CHRNA2: variants seen among roughly 807,000 people sequenced by gnomAD.
CHRNA2 encodes the protein cholinergic receptor nicotinic alpha 2 subunit, also known as neuronal acetylcholine receptor subunit alpha-2.
CHRNA2 carries 40 observed loss-of-function variants against 45.5 expected under a neutral mutation model. The observed-to-expected ratio is 0.88, with a 90% CI of 0.68 to 1.15. CHRNA2 has a LOEUF of 1.15. Ranked by LOEUF, CHRNA2 falls within the 50% of genes most tolerant of loss-of-function variation. The pLI is 0.00. For missense variants in CHRNA2, 655 were observed against 701.7 expected (o/e 0.93, Z 0.75); for synonymous variants, 301 against 296.7 (o/e 1.01, Z -0.15).
chr8:27,467,439 C>T (rs948717378), intron 4 of CHRNA2, 101 bp from the exon 5 acceptor site: 23 of 907,738 alleles, frequency 2.5e-5, no homozygotes, highest in African/African-American at 1.7e-4. Flanking sequence ...CAAGCAGCCC[C>T]CTTGGAGCAG....
At chr8:27,478,095 T>C (rs1410155630) in intron 1 of CHRNA2, among the ~76,000 whole-genome samples, 1 of 152,228 alleles carries the variant, frequency 6.6e-6, no homozygotes, top group Non-Finnish European at 1.5e-5. Flanking sequence ...CCCAAAAGGC[T>C]GCTTCCATCC....
chr8:27,463,672 G>T lies in CHRNA2; in HGVS notation c.771C>A (p.Tyr257Ter). 6.2e-7 allele frequency: 1 copy of T among 1,614,148 alleles called. No homozygotes were observed. Among genetic ancestry groups the T allele is most frequent in the Non-Finnish European group, 8.5e-7 (1 of 1,180,034 alleles). ...GCGGCAGCCGCCGGATGACGAAGGC[G>T]TAGGTGACGTCGGGGTAGATCTCGG... ...CCAEIYPDVT[Y>*]AFVIRRLPLF... The change falls in exon 6 of 7, where the codon TAC (tyrosine) becomes TAA (stop). Residue 257 changes from tyrosine (Y) to a stop codon, truncating the protein, a stop_gained. Coordinates refer to ENST00000407991, the MANE Select transcript of CHRNA2 (RefSeq NM_000742.4). LOFTEE classifies it high-confidence loss of function. This position sits in a 1 kb window ranked among gnomAD's most constrained non-coding sequence, Gnocchi z 6.1.
chr8:27,471,997 A>C (rs975277353), intron 1 of CHRNA2, among the ~76,000 whole-genome samples: 3 of 152,162 alleles, frequency 2.0e-5, no homozygotes, highest in African/African-American at 7.2e-5. Flanking sequence ...TGGCCACTGG[A>C]TTAATCAATC....
chr8:27,467,239 G>C lies in CHRNA2; in HGVS notation c.439C>G (p.Leu147Val). ...SEMIWIPDIV[L>V]YNNADGEFAV... ...CCAATGGCTTCCTACTTGTTGTAGA[G>C]AACAATGTCGGGGATCCAGATCATC... Residue 147 changes from leucine (L) to valine (V), a missense_variant, in exon 5 of 7, where the codon CTC (leucine) becomes GTC (valine). Coordinates refer to ENST00000407991, the MANE Select transcript of CHRNA2 (RefSeq NM_000742.4). 6.2e-7 allele frequency: 1 copy of C among 1,612,930 alleles called. No individual in the cohort carries two copies. Among genetic ancestry groups the C allele is most frequent in the South Asian group, 1.1e-5 (1 of 91,048 alleles).
rs1010290683 is a variant in CHRNA2, at chr8:27,460,229, G to A, written c.*1400C>T. The A allele has an allele frequency of 1.1e-4, 16 of 152,216 alleles. No homozygotes were observed. The highest frequency in any genetic ancestry group is 3.9e-4 in the African/African-American group (16 of 41,452). 9.4% of individuals were successfully genotyped at this position (152,216 alleles called of 1,614,324 possible). ...ACCCTCCAGTCTGGACAGAGTTGGG[G>A]GGAGGTCTGTTGCCCGATCCCAGGA... On this transcript the variant is annotated 3_prime_UTR_variant, in exon 7 of 7. Transcript: ENST00000407991.
chr8:27,476,523 T>C (rs1032331615), intron 1 of CHRNA2, among the ~76,000 whole-genome samples: 10 of 152,252 alleles, frequency 6.6e-5, no homozygotes, highest in Non-Finnish European at 2.9e-5. Flanking sequence ...CAGGGGAAAC[T>C]GCAGAGCAGG....
rs1812870375 is a variant in CHRNA2 at position 27,471,120 on chromosome 8, T to TGTC, written c.-65_-63dup. The TGTC allele has an allele frequency of 6.8e-7, 1 of 1,463,266 alleles. No homozygotes were observed. The highest frequency in any genetic ancestry group is 1.7e-5 in the Admixed American group (1 of 58,650). 90.6% of individuals were successfully genotyped at this position (1,463,266 alleles called of 1,614,324 possible). A position where few individuals can be genotyped will look rare whatever the true frequency, so the allele number is the denominator to read the frequency against. ...TTGCTGTGGGTTGCACCATGGACCA[T>TGTC]GTCCCCAGCAGAGCTGCTGCTGGAT... On this transcript the variant is annotated 5_prime_UTR_variant, in exon 2 of 7. Coordinates refer to ENST00000407991, the MANE Select transcript of CHRNA2 (RefSeq NM_000742.4).
At chr8:27,464,874 C>G (rs1812649516) in intron 5 of CHRNA2, among the ~76,000 whole-genome samples, 1 of 152,108 alleles carries the variant, frequency 6.6e-6, no homozygotes, top group Non-Finnish European at 1.5e-5. Flanking sequence ...TTTAAGGAGC[C>G]ATGAGGAGAT....
chr8:27,463,915 C>CG lies in CHRNA2; in HGVS notation c.527dup (p.Ala177GlyfsTer31), dbSNP rs778807798. On this transcript the variant is annotated frameshift_variant, in exon 6 of 7. Transcript: ENST00000407991. LOFTEE classifies it high-confidence loss of function. This position sits in a 1 kb window ranked among gnomAD's most constrained non-coding sequence, Gnocchi z 6.1. ...TGCTGCAGGAGCTCTTGTAGATGGC[C>CG]GGGGGCACCCAGTGCACAGTGCCCG... is the stretch of plus-strand genomic sequence containing the variant. 6.2e-6 allele frequency: 10 copies of CG among 1,614,080 alleles called. No individual in the cohort carries two copies. Among genetic ancestry groups the CG allele is most frequent in the Non-Finnish European group, 8.5e-6 (10 of 1,179,998 alleles).
chr8:27,468,402 A>G (rs1424685291), intron 4 of CHRNA2, among the ~76,000 whole-genome samples: 1 of 152,356 alleles, frequency 6.6e-6, no homozygotes, highest in East Asian at 1.9e-4. Context: ...GGGTTACAGC[A>G]TCAGAGGGAG....
In CHRNA2 at chr8:27,461,035, C is replaced by T. The variant is rs1050585345; in HGVS notation, c.*594G>A. 15 of 155,846 alleles carry T rather than the reference C, an allele frequency of 9.6e-5. No homozygotes were observed. Among genetic ancestry groups the T allele is most frequent in the Admixed American group, 9.4e-4 (15 of 15,944 alleles). 9.7% of individuals were successfully genotyped at this position (155,846 alleles called of 1,614,324 possible). ...CCGCTTCCTCCCCTTCCAGAAGAGC[C>T]CTTATTACTCCCCTGCTGGACCATA... On this transcript the variant is annotated 3_prime_UTR_variant, in exon 7 of 7. Coordinates refer to ENST00000407991, the MANE Select transcript of CHRNA2 (RefSeq NM_000742.4).
In CHRNA2 at chr8:27,463,030, T is replaced by C; in HGVS notation, c.1413A>G (p.Glu471=). 6.2e-7 allele frequency: 1 copy of C among 1,613,992 alleles called. No individual in the cohort carries two copies. The highest frequency in any genetic ancestry group is 1.1e-5 in the South Asian group (1 of 91,084). The stretch of plus-strand genomic sequence containing the variant: ...GGTGGTCGGCAATGTAGTGCACACC[T>C]TCCAGTGCCTTCTGCATGTGGGGTG... ...LLSPHMQKAL[E]GVHYIADHLR... is the part of the protein sequence containing the mutation. The change falls in exon 6 of 7, where the codon GAA becomes GAG. Residue 471 remains glutamate (E), a synonymous_variant. Transcript: ENST00000407991. This position sits in a 1 kb window ranked among gnomAD's most constrained non-coding sequence, Gnocchi z 6.1.
chr8:27,460,372 G>T lies in CHRNA2; in HGVS notation c.*1257C>A, dbSNP rs1812434270. The T allele has an allele frequency of 6.6e-6, 1 of 152,214 alleles. No individual in the cohort carries two copies. Among genetic ancestry groups the T allele is most frequent in the Non-Finnish European group, 1.5e-5 (1 of 68,120 alleles). The allele number at this position is 152,214 out of a possible 1,614,324, so 9.4% of individuals were successfully genotyped here. Reference sequence around the variant, plus strand: ...TCAGAGCAGGTCAACACACCTCGGGGCTCTGGGAGAGACGAGGCAGGCTGA... The same window carrying T: ...TCAGAGCAGGTCAACACACCTCGGGTCTCTGGGAGAGACGAGGCAGGCTGA... On this transcript the variant is annotated 3_prime_UTR_variant, in exon 7 of 7. Coordinates refer to ENST00000407991, the MANE Select transcript of CHRNA2 (RefSeq NM_000742.4).
rs1016411801 is a variant in CHRNA2, at chr8:27,461,506, G to C, written c.*123C>G. 1.5e-6 allele frequency: 2 copies of C among 1,346,616 alleles called. No individual in the cohort carries two copies. Among genetic ancestry groups the C allele is most frequent in the African/African-American group, 2.9e-5 (2 of 69,930 alleles). The allele number at this position is 1,346,616 out of a possible 1,614,324, so 83.4% of individuals were successfully genotyped here. On this transcript the variant is annotated 3_prime_UTR_variant, in exon 7 of 7. Coordinates refer to ENST00000407991, the MANE Select transcript of CHRNA2 (RefSeq NM_000742.4). The stretch of plus-strand genomic sequence containing the variant: ...ATGGAAGCCTGCAATCCCTGGGTCA[G>C]TGTCCAGACTCCGCGGAGAGGCACC...
At chr8:27,472,578 A>G (rs1410585661) in intron 1 of CHRNA2, among the ~76,000 whole-genome samples, 2 of 152,148 alleles carry the variant, frequency 1.3e-5, no homozygotes, top group Non-Finnish European at 2.9e-5. Context: ...GTATGATCCT[A>G]CTGATATGGA....
intron 5 of CHRNA2, 34 bp downstream of exon 5, chr8:27,467,195 C>T: frequency 1.3e-6 from 2 of 1,568,242 alleles, no homozygotes; most frequent in East Asian, 2.2e-5. Flanking sequence ...AGTTGGCCTC[C>T]CCTCATCCCC....
At chr8:27,472,177 T>C (rs1812905670) in intron 1 of CHRNA2, among the ~76,000 whole-genome samples, 1 of 152,214 alleles carries the variant, frequency 6.6e-6, no homozygotes. Flanking sequence ...TATCTTACAC[T>C]ATCTCTTATA....
In CHRNA2 at chr8:27,470,322, G is replaced by T. The variant is rs2565063; in HGVS notation, c.74-341C>A. Among the ~76,000 whole-genome samples the T allele has an allele frequency of 0.17, 26,258 of 151,996 alleles. 2,600 individuals are homozygous for T. The highest frequency in any genetic ancestry group is 0.44 in the East Asian group (2,244 of 5,128). ...AGTGGAAGAGACGCCTGGTCTACGTGGCGGGGCTGCAGGGAGAAGGGCTCT... is the reference window on the plus strand; with the variant it reads ...AGTGGAAGAGACGCCTGGTCTACGTTGCGGGGCTGCAGGGAGAAGGGCTCT... On this transcript the variant is annotated intron_variant, in intron 2 of 6. Transcript: ENST00000407991.
At chr8:27,473,348 T>C (rs143513341) in intron 1 of CHRNA2, among the ~76,000 whole-genome samples, 130 of 152,292 alleles carry the variant, frequency 8.5e-4, no homozygotes, top group African/African-American at 3.0e-3. Flanking sequence ...CAATTTTATG[T>C]TATGTGTATT....
Sources: gnomAD v4.1 joint callset for allele counts (sites outside exome capture counted in the v4.1 genomes callset) on GRCh38, gnomAD v4.1.1 for gene constraint, Gnocchi (gnomAD v3.1) non-coding constraint, MANE v1.5 for transcripts, NCBI Gene and HGNC (gene_info 2026-07-23, HGNC 2026-07-21) for gene names.